The following LARP4 variants were observed in gnomAD, a reference collection of about 807,000 sequenced individuals.
LARP4 encodes the protein la-related protein 4.
In LARP4, 29 loss-of-function variants were observed where a neutral mutation model predicts 92.9. The ratio of observed to expected loss-of-function variants is 0.31; its 90% CI spans 0.23 to 0.43. The LOEUF is 0.43. LARP4 is among the 20% of genes least tolerant of loss of function. The pLI, the probability that LARP4 is intolerant of heterozygous loss-of-function variation, is 1.00. For synonymous variants in LARP4, 279 were observed against 284.1 expected (o/e 0.98, Z 0.18); for missense variants, 732 against 860.0 (o/e 0.85, Z 1.86).
chr12:50,464,053 A>G (rs1955821680), intron 12 of LARP4, among the ~76,000 whole-genome samples: 1 of 151,950 alleles, frequency 6.6e-6, no homozygotes, highest in Non-Finnish European at 1.5e-5. Context: ...TCCACCCTCT[A>G]CCTGTTACCC....
At position 50,440,651 on chromosome 12, in the gene LARP4, G is replaced by C; in HGVS notation, c.750+102G>C. On this transcript the variant is annotated intron_variant, in intron 7 of 15. Transcript: ENST00000398473. Reference sequence around the variant, plus strand: ...GTGTGTTTACACTGATGTTTATCAAGACTAGTGAGTACCTTGGTCACCCTT... The same window carrying C: ...GTGTGTTTACACTGATGTTTATCAACACTAGTGAGTACCTTGGTCACCCTT... The C allele has an allele frequency of 4.0e-6, 3 of 751,854 alleles. No individual in the cohort carries two copies. In the South Asian group the frequency reaches 5.4e-5, roughly 14 times the overall value. The allele number at this position is 751,854 out of a possible 1,614,324, so 46.6% of individuals were successfully genotyped here. A position where few individuals can be genotyped will look rare whatever the true frequency, so the allele number is the denominator to read the frequency against.
intron 10 of LARP4, among the ~76,000 whole-genome samples, chr12:50,460,456 A>G (rs1471375915): frequency 6.6e-6 from 1 of 152,050 alleles, no homozygotes; most frequent in African/African-American, 2.4e-5. Flanking sequence ...CCTTCCAAGT[A>G]GCTGGGCATA....
In LARP4 at chr12:50,403,118, A is replaced by G. The variant is rs1235875295; in HGVS notation, c.18+2090A>G. Among the ~76,000 whole-genome samples the G allele has an allele frequency of 2.6e-5, 4 of 152,336 alleles. No homozygotes were observed. In the East Asian group the frequency reaches 7.7e-4, roughly 29 times the overall value. On this transcript the variant is annotated intron_variant, in intron 1 of 15. Coordinates refer to ENST00000398473, the MANE Select transcript of LARP4 (RefSeq NM_052879.5). ...TGTCTAAGGTCATTCAAGTGTAAAT[A>G]ATGTGGGGGCTAAAGTCTGAAGTCT...
At position 50,475,783 on chromosome 12, in the gene LARP4, GT is replaced by G. The variant is rs754882251; in HGVS notation, c.2097del (p.Phe699LeufsTer10). 1 of 1,614,168 alleles carries G rather than the reference GT, an allele frequency of 6.2e-7. No individual in the cohort carries two copies. The highest frequency in any genetic ancestry group is 8.5e-7 in the Non-Finnish European group (1 of 1,180,036). The stretch of plus-strand genomic sequence containing the variant: ...GAAAAATCAGGGAACAGAGACGCCA[GT>G]TTAGCCATAGGGCTATACCTCAGGG... ...AGKIREQRRQ[F>X]SHRAIPQGVT... On this transcript the variant is annotated frameshift_variant, in exon 16 of 16. Coordinates refer to ENST00000398473, the MANE Select transcript of LARP4 (RefSeq NM_052879.5). LOFTEE classifies it high-confidence loss of function.
chr12:50,463,169 C>T (rs944754589), intron 12 of LARP4, among the ~76,000 whole-genome samples: 1 of 151,648 alleles, frequency 6.6e-6, no homozygotes, highest in Non-Finnish European at 1.5e-5. Context: ...GGCCAGGCAC[C>T]GTGGCTCGTG....
intron 12 of LARP4, among the ~76,000 whole-genome samples, chr12:50,463,329 A>G (rs1220804995): frequency 1.4e-5 from 2 of 147,266 alleles, no homozygotes; most frequent in African/African-American, 5.1e-5. Flanking sequence ...CAAGTCTGTA[A>G]TGTCAGCTCT....
At chr12:50,457,677 A>G (rs1593313123) in intron 10 of LARP4, among the ~76,000 whole-genome samples, 1 of 152,002 alleles carries the variant, frequency 6.6e-6, no homozygotes, top group East Asian at 1.9e-4. Flanking sequence ...AGCCAGGCAT[A>G]CTGGTGTGCA....
rs368233624 is a variant in LARP4, at chr12:50,427,895, G to T, written c.152G>T (p.Gly51Val). 1.9e-6 allele frequency: 3 copies of T among 1,592,476 alleles called. No homozygotes were observed. The African/African-American group carries it at 4.0e-5, about 21-fold the overall frequency. Reference protein sequence around the residue: ...SSWHEIAATSGAHPEGNAELS... With the variant: ...SSWHEIAATSVAHPEGNAELS... ...TGGCATGAAATAGCAGCTACATCAG[G>T]TGCTCATCCTGAGGGTAAGTCTTAA... The change falls in exon 2 of 16, where the codon GGT becomes GTT. Residue 51 changes from glycine to valine, a missense_variant. By Grantham distance (109) the Gly-to-Val change is moderately radical (BLOSUM62 -3). This residue lies in a region of LARP4 where 236 missense variants were observed against 307.6 expected (regional missense o/e 0.77). Coordinates refer to ENST00000398473, the MANE Select transcript of LARP4 (RefSeq NM_052879.5).
In LARP4 at chr12:50,461,058, C is replaced by A. The variant is rs1294463185; in HGVS notation, c.1122-77C>A. 3.9e-5 allele frequency: 47 copies of A among 1,193,050 alleles called. No individual in the cohort carries two copies. The Admixed American group carries it at 8.5e-4, about 22-fold the overall frequency. 73.9% of individuals were successfully genotyped at this position (1,193,050 alleles called of 1,614,324 possible). A position where few individuals can be genotyped will look rare whatever the true frequency, so the allele number is the denominator to read the frequency against. Reference sequence around the variant, plus strand: ...TTTGAAAACCCCAGTACAACAGGAGCCAATTTTTTACCTAAGGAAAGATGT... The same window carrying A: ...TTTGAAAACCCCAGTACAACAGGAGACAATTTTTTACCTAAGGAAAGATGT... On this transcript the variant is annotated intron_variant, in intron 10 of 15. Coordinates refer to ENST00000398473, the MANE Select transcript of LARP4 (RefSeq NM_052879.5).
intron 1 of LARP4, chr12:50,415,705 T>TTTTTTTTTTG (rs1364032876): frequency 6.6e-6 from 1 of 151,130 alleles, no homozygotes; most frequent in Non-Finnish European, 1.5e-5. Context: ...TGTTTTTTTT[T>TTTTTTTTTTG]TTTGAGACGG....
chr12:50,474,657 C>A (rs1957353200), intron 15 of LARP4, among the ~76,000 whole-genome samples: 1 of 152,104 alleles, frequency 6.6e-6, no homozygotes, highest in Non-Finnish European at 1.5e-5. Context: ...CATTCTGTTT[C>A]TTTTGATTGC....
intron 1 of LARP4, chr12:50,402,926 T>C: frequency 2.5e-6 from 1 of 396,480 alleles, no homozygotes; most frequent in Non-Finnish European, 5.0e-6. Context: ...ATATGAGTTT[T>C]ATTGAAAATT....
intron 1 of LARP4, 99 bp from the exon 2 acceptor site, chr12:50,427,663 C>G (rs1949000296): frequency 8.2e-6 from 5 of 608,232 alleles, no homozygotes; most frequent in Non-Finnish European, 1.3e-5. Context: ...TATTGGGTTT[C>G]TCCCCCACTT....
intron 1 of LARP4, among the ~76,000 whole-genome samples, chr12:50,422,981 C>T (rs1006150332): frequency 2.0e-5 from 3 of 151,736 alleles, no homozygotes; most frequent in African/African-American, 7.3e-5. Context: ...CCATGCTTGG[C>T]TAATTTTTTT....
chr12:50,418,775 A>C (rs73305117), intron 1 of LARP4, among the ~76,000 whole-genome samples: 2 of 152,134 alleles, frequency 1.3e-5, no homozygotes, highest in Admixed American at 6.6e-5. Context: ...CTGTAGTACA[A>C]TCATGTGATC....
chr12:50,472,556 G>A (rs12311713), intron 13 of LARP4, among the ~76,000 whole-genome samples: 3 of 149,528 alleles, frequency 2.0e-5, no homozygotes, highest in African/African-American at 7.4e-5. Context: ...GTCTTGCTCT[G>A]TTCCCAGGAG....
chr12:50,475,661 G>C lies in LARP4; in HGVS notation c.1972G>C (p.Glu658Gln), dbSNP rs749369876. 1.9e-6 allele frequency: 3 copies of C among 1,614,114 alleles called. No homozygotes were observed. Among genetic ancestry groups the C allele is most frequent in the Non-Finnish European group, 2.5e-6 (3 of 1,180,026 alleles). The change falls in exon 16 of 16, where the codon GAG (glutamate) becomes CAG (glutamine). Residue 658 changes from glutamate to glutamine, a missense_variant. Around this residue, in one of 7 missense-constraint regions of LARP4, gnomAD observed 115 missense variants for 129.1 expected, o/e 0.89. Coordinates refer to ENST00000398473, the MANE Select transcript of LARP4 (RefSeq NM_052879.5). ...PTKNEDNGAP[E>Q]NSVEKPHEKP... ...CAAAAATGAAGACAATGGAGCTCCT[G>C]AGAACTCCGTTGAGAAACCACATGA...
At chr12:50,406,416 G>C (rs1306555137) in intron 1 of LARP4, among the ~76,000 whole-genome samples, 4 of 151,954 alleles carry the variant, frequency 2.6e-5, no homozygotes, top group African/African-American at 7.3e-5. Context: ...AGGAGATCGA[G>C]GCTGCAGTGA....
chr12:50,450,116 G>A (rs1341291146), intron 8 of LARP4, among the ~76,000 whole-genome samples: 1 of 151,512 alleles, frequency 6.6e-6, no homozygotes, highest in Admixed American at 6.6e-5. Context: ...TGTGTTTTTA[G>A]TAGAGACATG....
Sources: allele counts gnomAD v4.1 joint callset (sites outside exome capture counted in the v4.1 genomes callset), GRCh38; gene constraint gnomAD v4.1.1; regional missense constraint gnomAD v4.1.1; transcripts MANE v1.5; gene names NCBI Gene and HGNC (gene_info 2026-07-23, HGNC 2026-07-21).